PDE1A: variants seen among roughly 807,000 people sequenced by gnomAD.
PDE1A encodes the protein dual specificity calcium/calmodulin-dependent 3',5'-cyclic nucleotide phosphodiesterase 1A.
A neutral mutation model predicts 61.7 loss-of-function variants in PDE1A; 35 were observed. The observed-to-expected ratio is 0.57, with a 90% CI of 0.43 to 0.75. PDE1A has a LOEUF of 0.75. Among genes scored for constraint, PDE1A ranks in the 30% least tolerant of loss-of-function variants. The pLI, the probability that PDE1A is intolerant of heterozygous loss-of-function variation, is 0.00. For synonymous variants in PDE1A, 232 were observed against 213.2 expected (o/e 1.09, Z -0.77); for missense variants, 597 against 630.6 (o/e 0.95, Z 0.57).
At chr2:182,360,659 C>T (rs371264600) in intron 1 of PDE1A, among the ~76,000 whole-genome samples, 331 of 150,724 alleles carry the variant, frequency 2.2e-3, no homozygotes, top group African/African-American at 6.9e-3. Context: ...TAAAATATGA[C>T]GACAAAGTGA....
chr2:182,588,912 G>A, the PDE1A span, among the ~76,000 whole-genome samples: 12 of 151,670 alleles, frequency 7.9e-5, no homozygotes, highest in South Asian at 4.2e-4. Context: ...GCATGATGGC[G>A]GATGCCTGTA....
intron 10 of PDE1A, among the ~76,000 whole-genome samples, chr2:182,199,605 G>C (rs987121422): frequency 1.3e-5 from 2 of 151,888 alleles, no homozygotes; most frequent in African/African-American, 4.8e-5. Flanking sequence ...TAATGTCACA[G>C]GGCTATACAG....
At position 182,217,490 on chromosome 2, in the gene PDE1A, A is replaced by C. The variant is rs1307004168; in HGVS notation, c.776+6374T>G. On this transcript the variant is annotated intron_variant, in intron 7 of 13. Transcript: ENST00000351439. Reference sequence around the variant, plus strand: ...ATCAGAGTGAACAGGCAACCTACAAAATGGGAGAAAATTTTCGCAACCTAC... The same window carrying C: ...ATCAGAGTGAACAGGCAACCTACAACATGGGAGAAAATTTTCGCAACCTAC... 4.4e-5 allele frequency among the ~76,000 whole-genome samples: 6 copies of C among 134,832 alleles called. No homozygotes were observed. In the South Asian group the frequency reaches 1.0e-3, roughly 23 times the overall value. The allele number at this position is 134,832 out of a possible 152,430, so 88.5% of individuals were successfully genotyped here.
At chr2:182,147,589 C>G (rs900166929) in intron 13 of PDE1A, among the ~76,000 whole-genome samples, 3 of 152,024 alleles carry the variant, frequency 2.0e-5, no homozygotes, top group African/African-American at 7.2e-5. Context: ...GTTTAAGATA[C>G]CACCTGTCAA....
chr2:182,328,480 A>G (rs941082350), intron 1 of PDE1A, among the ~76,000 whole-genome samples: 3 of 152,134 alleles, frequency 2.0e-5, no homozygotes, highest in African/African-American at 4.8e-5. Context: ...ATAAAGGTAT[A>G]GTTCAGGGAC....
the PDE1A span, among the ~76,000 whole-genome samples, chr2:182,685,104 C>CAT: frequency 4.7e-5 from 7 of 149,652 alleles, no homozygotes; most frequent in East Asian, 3.9e-4. Context: ...ATAACATATA[C>CAT]ATATATATAT....
intron 1 of PDE1A, among the ~76,000 whole-genome samples, chr2:182,393,318 G>A (rs1378712925): frequency 6.6e-6 from 1 of 152,300 alleles, no homozygotes; most frequent in Non-Finnish European, 1.5e-5. Context: ...GCCACAGCTG[G>A]GATGCAGGGC....
chr2:182,331,154 G>A (rs1324769526), intron 1 of PDE1A, among the ~76,000 whole-genome samples: 1 of 152,142 alleles, frequency 6.6e-6, no homozygotes, highest in Admixed American at 6.5e-5. Flanking sequence ...TCACTTAGCT[G>A]AGATCACACA....
chr2:182,628,397 C>A, the PDE1A span, among the ~76,000 whole-genome samples: 1 of 152,128 alleles, frequency 6.6e-6, no homozygotes, highest in Non-Finnish European at 1.5e-5. Context: ...AATTAATTTG[C>A]TAAGCAAGCC....
At chr2:182,384,048 T>C (rs140733853) in intron 1 of PDE1A, among the ~76,000 whole-genome samples, 1 of 152,336 alleles carries the variant, frequency 6.6e-6, no homozygotes, top group Non-Finnish European at 1.5e-5. Flanking sequence ...ACTTGATCTC[T>C]AGACCACATC....
In PDE1A at chr2:182,249,028, C is replaced by A. The variant is rs561915137; in HGVS notation, c.168-8736G>T. On this transcript the variant is annotated intron_variant, in intron 2 of 13. Transcript: ENST00000351439. ...TATCCTTCTACCTTTTAATAAGTTT[C>A]ATAAAAGACAGACAAGTTGGGTGAA... 2.5e-3 allele frequency among the ~76,000 whole-genome samples: 387 copies of A among 152,302 alleles called. 1 individual carries two copies. Among genetic ancestry groups the A allele is most frequent in the African/African-American group, 9.0e-3 (375 of 41,564 alleles).
At chr2:182,624,021 A>T in the PDE1A span, among the ~76,000 whole-genome samples, 4 of 149,326 alleles carry the variant, frequency 2.7e-5, no homozygotes, top group Non-Finnish European at 5.9e-5. Flanking sequence ...GCTACTCGGG[A>T]GGCTGAGGCA....
chr2:182,357,160 C>A lies in PDE1A; in HGVS notation c.53+69418G>T, dbSNP rs539421842. Among the ~76,000 whole-genome samples the A allele has an allele frequency of 2.6e-5, 4 of 151,064 alleles. No homozygotes were observed. In the South Asian group the frequency reaches 8.4e-4, roughly 32 times the overall value. On this transcript the variant is annotated intron_variant, in intron 1 of 13. Coordinates refer to ENST00000351439, the Ensembl canonical transcript of PDE1A. Reference sequence around the variant, plus strand: ...CAAACCTGCACATTGTGCACATATACCCTAAAACTTAAAGTATAATAAAAA... The same window carrying A: ...CAAACCTGCACATTGTGCACATATAACCTAAAACTTAAAGTATAATAAAAA...
At chr2:182,666,002 T>G in the PDE1A span, among the ~76,000 whole-genome samples, 1,482 of 152,162 alleles carry the variant, frequency 9.7e-3, 13 homozygotes, top group Non-Finnish European at 0.016. Context: ...CACTTATAAA[T>G]AGGAGCTGAA....
chr2:182,687,904 G>A, the PDE1A span, among the ~76,000 whole-genome samples: 7 of 152,116 alleles, frequency 4.6e-5, no homozygotes, highest in African/African-American at 1.7e-4. Flanking sequence ...TAGCCGATTC[G>A]ATCAACTGGA....
At chr2:182,353,637 A>G (rs529924107) in intron 1 of PDE1A, among the ~76,000 whole-genome samples, 1 of 152,246 alleles carries the variant, frequency 6.6e-6, no homozygotes, top group East Asian at 1.9e-4. Flanking sequence ...TGAAAATTTT[A>G]TATTTAATTA....
At chr2:182,168,031 C>T in exon 14 of PDE1A, 1 of 1,247,032 alleles carries the variant, frequency 8.0e-7, no homozygotes, top group Non-Finnish European at 1.0e-6. Flanking sequence ...CTGATGTAGC[C>T]ACTAGATGAA....
chr2:182,367,152 C>CT (rs958260621), intron 1 of PDE1A, among the ~76,000 whole-genome samples: 52 of 151,694 alleles, frequency 3.4e-4, no homozygotes, highest in African/African-American at 1.2e-3. Flanking sequence ...AACAAGCTTG[C>CT]TTTTGTTGAT....
At chr2:182,497,333 C>G (rs1184000031) in intron 2 of PDE1A, among the ~76,000 whole-genome samples, 1 of 152,114 alleles carries the variant, frequency 6.6e-6, no homozygotes, top group Non-Finnish European at 1.5e-5. Context: ...GGGTTTCACC[C>G]TAAAGATCCC....
Sources: allele counts gnomAD v4.1 joint callset (sites outside exome capture counted in the v4.1 genomes callset), GRCh38; gene constraint gnomAD v4.1.1; transcripts MANE v1.5; gene names NCBI Gene and HGNC (gene_info 2026-07-23, HGNC 2026-07-21).